Variants in PACS1 observed in about 807,000 individuals in gnomAD.
PACS1 encodes the protein phosphofurin acidic cluster sorting protein 1.
Under a neutral mutation model 115.0 loss-of-function variants are expected in PACS1, and 24 were observed. The observed-to-expected ratio is 0.21, with a 90% CI of 0.15 to 0.29. The LOEUF is 0.29. Ranked by LOEUF, PACS1 falls within the 10% of genes least tolerant of loss-of-function variation. The pLI is 1.00. For missense variants in PACS1, 838 were observed against 1,251.2 expected (o/e 0.67, Z 4.98); for synonymous variants, 453 against 504.5 (o/e 0.90, Z 1.37).
chr11:66,224,195 C>CAAA lies in PACS1; in HGVS notation c.1293+2967_1293+2969dup, dbSNP rs71036281. Among the ~76,000 whole-genome samples the CAAA allele has an allele frequency of 1.0e-3, 81 of 80,902 alleles. 8 individuals carry two copies. Among genetic ancestry groups the CAAA allele is most frequent in the African/African-American group, 1.0e-3 (20 of 19,248 alleles). 53.1% of individuals were successfully genotyped at this position (80,902 alleles called of 152,430 possible). On this transcript the variant is annotated intron_variant, in intron 10 of 23. Coordinates refer to ENST00000320580, the MANE Select transcript of PACS1 (RefSeq NM_018026.4). ...TGGGTAACAGAGCAAGACTCCATCT[C>CAAA]AAAAAAAAAAAAAAAAAAAAAGCCA...
intron 1 of PACS1, among the ~76,000 whole-genome samples, chr11:66,177,177 C>G (rs1000292271): frequency 2.0e-5 from 3 of 152,154 alleles, no homozygotes; most frequent in Admixed American, 6.5e-5. Context: ...TTTAAAAATA[C>G]TTTCAGAAAT....
At chr11:66,119,099 C>G (rs980546195) in intron 1 of PACS1, among the ~76,000 whole-genome samples, 15 of 152,152 alleles carry the variant, frequency 9.9e-5, no homozygotes, top group African/African-American at 3.6e-4. Flanking sequence ...AAGGGAGAGG[C>G]CCCCTACTCC....
chr11:66,102,634 A>G (rs537355678), intron 1 of PACS1, among the ~76,000 whole-genome samples: 2 of 152,068 alleles, frequency 1.3e-5, no homozygotes, highest in Non-Finnish European at 2.9e-5. Flanking sequence ...CAAGTTTACT[A>G]TTATTATTAA....
At position 66,090,377 on chromosome 11, in the gene PACS1, A is replaced by G. The variant is rs753402432; in HGVS notation, c.356+19535A>G. 6.7e-5 allele frequency among the ~76,000 whole-genome samples: 10 copies of G among 150,248 alleles called. No homozygotes were observed. In the South Asian group the frequency reaches 8.4e-4, roughly 13 times the overall value. ...AGCCTGAACCTCCCAGGCCCGAGCA[A>G]TCCTCCCATCTCAGCCTCGGAAGTA... On this transcript the variant is annotated intron_variant, in intron 1 of 23. Coordinates refer to ENST00000320580, the MANE Select transcript of PACS1 (RefSeq NM_018026.4).
At chr11:66,185,066 G>A (rs980249135) in intron 1 of PACS1, among the ~76,000 whole-genome samples, 2 of 152,070 alleles carry the variant, frequency 1.3e-5, no homozygotes, top group Non-Finnish European at 2.9e-5. Flanking sequence ...TGCTTTTATT[G>A]GACTGCTCTT....
Position 66,070,446 on chromosome 11 carries a change from C to T in PACS1, c.-41C>T. On this transcript the variant is annotated 5_prime_UTR_variant, in exon 1 of 24. Transcript: ENST00000320580. This position sits in a 1 kb window ranked among gnomAD's most constrained non-coding sequence, Gnocchi z 5.9. ...CGCGGGGGAAGCCTGGGAGCCAGAT[C>T]GGCGTCGCCTCGGCCTCCGTAACCC... The T allele has an allele frequency of 1.7e-6, 2 of 1,148,604 alleles. No homozygotes were observed. The highest frequency in any genetic ancestry group is 1.1e-6 in the Non-Finnish European group (1 of 914,164). 71.2% of individuals were successfully genotyped at this position (1,148,604 alleles called of 1,614,324 possible).
rs1203551766 is a variant in PACS1, at chr11:66,243,567, G to C, written c.*287G>C. The C allele has an allele frequency of 5.0e-6, 2 of 399,158 alleles. No homozygotes were observed. The highest frequency in any genetic ancestry group is 4.6e-6 in the Non-Finnish European group (1 of 216,700). 24.7% of individuals were successfully genotyped at this position (399,158 alleles called of 1,614,324 possible). On this transcript the variant is annotated 3_prime_UTR_variant, in exon 24 of 24. Coordinates refer to ENST00000320580, the MANE Select transcript of PACS1 (RefSeq NM_018026.4). Reference sequence around the variant, plus strand: ...TCTGGTGCCCATAGTCCCCTGGACTGAGTCCCCCAGGCCTTCCTTCACCCG... The same window carrying C: ...TCTGGTGCCCATAGTCCCCTGGACTCAGTCCCCCAGGCCTTCCTTCACCCG...
intron 1 of PACS1, chr11:66,100,847 T>C (rs1211521989): frequency 2.2e-6 from 1 of 456,258 alleles, no homozygotes; most frequent in South Asian, 1.5e-5. Flanking sequence ...GTTATGGCCT[T>C]TCCACGTGGC....
intron 1 of PACS1, among the ~76,000 whole-genome samples, chr11:66,085,777 T>C (rs752469228): frequency 6.6e-6 from 1 of 152,152 alleles, no homozygotes; most frequent in Non-Finnish European, 1.5e-5. Flanking sequence ...TTAACTGTAA[T>C]ATGAAAGAAA....
At chr11:66,218,320 G>A (rs987267218) in intron 7 of PACS1, 2 of 152,184 alleles carry the variant, frequency 1.3e-5, no homozygotes, top group African/African-American at 4.8e-5. Context: ...GAGACAAAGA[G>A]ATAGGGCCCA....
At position 66,100,941 on chromosome 11, in the gene PACS1, C is replaced by T. The variant is rs1857903849; in HGVS notation, c.356+30099C>T. ...GAGCGAGCTGGCGGAAGCCTCAGTG[C>T]CTGTCCTCCTCCAGCGTGGAGAGTC... On this transcript the variant is annotated intron_variant, in intron 1 of 23. Transcript: ENST00000320580. 3 of 455,976 alleles carry T rather than the reference C, an allele frequency of 6.6e-6. No homozygotes were observed. In the Admixed American group the frequency reaches 7.1e-5, roughly 11 times the overall value. 28.2% of individuals were successfully genotyped at this position (455,976 alleles called of 1,614,324 possible).
At chr11:66,108,939 A>G (rs1296819740) in intron 1 of PACS1, among the ~76,000 whole-genome samples, 1 of 152,192 alleles carries the variant, frequency 6.6e-6, no homozygotes, top group African/African-American at 2.4e-5. Flanking sequence ...ACTGTACTCC[A>G]GCCTGGATGA....
At chr11:66,191,248 T>A (rs1301689215) in intron 1 of PACS1, among the ~76,000 whole-genome samples, 1 of 152,150 alleles carries the variant, frequency 6.6e-6, no homozygotes, top group Non-Finnish European at 1.5e-5. Context: ...TTTGACTCTT[T>A]CCTCCCTGGC....
At chr11:66,149,679 CGTGT>C (rs57522847) in intron 1 of PACS1, among the ~76,000 whole-genome samples, 36,022 of 118,162 alleles carry the variant, frequency 0.3, 4,646 homozygotes, top group East Asian at 0.46. Context: ...ATCTTGTGTT[CGTGT>C]GTGTGTGTGT....
chr11:66,087,280 GC>G (rs1431518541), intron 1 of PACS1, among the ~76,000 whole-genome samples: 8 of 150,538 alleles, frequency 5.3e-5, no homozygotes, highest in South Asian at 2.1e-4. Context: ...TTGCTCTGTC[GC>G]CTAGGCTGGA....
At chr11:66,221,030 C>G (rs1855332641) in intron 9 of PACS1, 124 bp from the exon 10 acceptor site, 1 of 978,472 alleles carries the variant, frequency 1.0e-6, no homozygotes, top group Non-Finnish European at 1.6e-6. Context: ...CACTTCCCTG[C>G]TCACCGGGCG....
At position 66,195,487 on chromosome 11, in the gene PACS1, G is replaced by A. The variant is rs113099215; in HGVS notation, c.444+1914G>A. 7.7e-3 allele frequency among the ~76,000 whole-genome samples: 1,170 copies of A among 152,292 alleles called. 15 individuals carry two copies. The highest frequency in any genetic ancestry group is 0.026 in the African/African-American group (1,099 of 41,548). On this transcript the variant is annotated intron_variant, in intron 2 of 23. Coordinates refer to ENST00000320580, the MANE Select transcript of PACS1 (RefSeq NM_018026.4). ...CTTTGCTAAAGAATGTTGCTGTCCT[G>A]TGCCGACACCATTGGGGTGGTTTTG...
At chr11:66,158,854 A>G (rs1211369727) in intron 1 of PACS1, among the ~76,000 whole-genome samples, 1 of 152,228 alleles carries the variant, frequency 6.6e-6, no homozygotes, top group Non-Finnish European at 1.5e-5. Context: ...AAAATGTCTC[A>G]GATGGATAAG....
intron 10 of PACS1, among the ~76,000 whole-genome samples, chr11:66,224,874 GTTAT>G (rs1855440840): frequency 6.6e-6 from 1 of 152,288 alleles, no homozygotes; most frequent in South Asian, 2.1e-4. Context: ...TCCTAGCACT[GTTAT>G]TTATTTATTT....
Sources: gnomAD v4.1 joint callset for allele counts (sites outside exome capture counted in the v4.1 genomes callset) on GRCh38, gnomAD v4.1.1 for gene constraint, Gnocchi (gnomAD v3.1) non-coding constraint, MANE v1.5 for transcripts, NCBI Gene and HGNC (gene_info 2026-07-23, HGNC 2026-07-21) for gene names.